Variants in OR4P4 observed in about 807,000 individuals in gnomAD.
OR4P4 encodes olfactory receptor family 4 subfamily P member 4, also known as olfactory receptor 4P4.
OR4P4 carries 1 observed loss-of-function variant against 2.1 expected under a neutral mutation model. The observed-to-expected ratio is 0.47, with a 90% confidence interval of 0.17 to 2.21. OR4P4 has a LOEUF of 2.21. Ranked by LOEUF, OR4P4 falls within the 30% of genes most tolerant of loss-of-function variation. The pLI is 0.27. For missense variants in OR4P4, 375 were observed against 376.5 expected (o/e 1.00, Z 0.03); for synonymous variants, 129 against 133.2 (o/e 0.97, Z 0.22).
At chr11:55,636,523 G>A (rs1458254601) in intron 1 of OR4P4, among the ~76,000 whole-genome samples, 2 of 137,746 alleles carry the variant, frequency 1.5e-5, no homozygotes, top group African/African-American at 2.5e-5. Context: ...GGGACAGTCA[G>A]GATTAATGTT....
Sources: gnomAD v4.1 joint callset for allele counts (sites outside exome capture counted in the v4.1 genomes callset) on GRCh38, gnomAD v4.1.1 for gene constraint, MANE v1.5 for transcripts, NCBI Gene and HGNC (gene_info 2026-07-23, HGNC 2026-07-21) for gene names.